NCOA2: variants seen among roughly 807,000 people sequenced by gnomAD.
NCOA2 encodes class E basic helix-loop-helix protein 75.
A neutral mutation model predicts 145.1 loss-of-function variants in NCOA2; 21 were observed. The observed-to-expected ratio is 0.14, with a 90% CI of 0.10 to 0.21. The LOEUF is 0.21. Among genes scored for constraint, NCOA2 ranks in the 10% least tolerant of loss-of-function variants. The pLI, the probability that NCOA2 is intolerant of heterozygous loss-of-function variation, is 1.00. For missense variants in NCOA2, 1,472 were observed against 1,837.6 expected, an observed-to-expected ratio of 0.80 and a Z score of 3.64; for synonymous variants, 619 against 637.5, an observed-to-expected ratio of 0.97 and a Z score of 0.44.
chr8:70,235,040 T>C (rs1401143214), intron 2 of NCOA2, among the ~76,000 whole-genome samples: 1 of 152,144 alleles, frequency 6.6e-6, no homozygotes, highest in Non-Finnish European at 1.5e-5. Flanking sequence ...AGCAGCATAA[T>C]AGGTGAATAG....
At chr8:70,306,105 CA>C (rs986943512) in intron 1 of NCOA2, among the ~76,000 whole-genome samples, 2 of 152,042 alleles carry the variant, frequency 1.3e-5, no homozygotes, top group African/African-American at 4.8e-5. Flanking sequence ...TAGGTTCTAA[CA>C]AAAACATTGA....
intron 1 of NCOA2, among the ~76,000 whole-genome samples, chr8:70,399,545 C>T (rs959902808): frequency 6.6e-6 from 1 of 152,170 alleles, no homozygotes; most frequent in Non-Finnish European, 1.5e-5. Flanking sequence ...TTTCTCCCTC[C>T]TATTCTCTTA....
chr8:70,221,243 T>TA (rs1178103473), intron 2 of NCOA2, among the ~76,000 whole-genome samples: 30 of 152,332 alleles, frequency 2.0e-4, no homozygotes, highest in African/African-American at 5.0e-4. Context: ...AAACCTCACT[T>TA]AAATACCCTT....
chr8:70,364,160 T>C (rs754072272), intron 1 of NCOA2, among the ~76,000 whole-genome samples: 1 of 151,490 alleles, frequency 6.6e-6, no homozygotes, highest in Non-Finnish European at 1.5e-5. Context: ...AGGAAGAATA[T>C]GGAGAGGAAG....
chr8:70,382,983 AAATG>A (rs1284303512), intron 1 of NCOA2, among the ~76,000 whole-genome samples: 1 of 152,250 alleles, frequency 6.6e-6, no homozygotes, highest in East Asian at 1.9e-4. Flanking sequence ...ACTTACTAAT[AAATG>A]TTCCTATTTC....
intron 1 of NCOA2, among the ~76,000 whole-genome samples, chr8:70,390,577 A>C (rs1813101979): frequency 6.6e-6 from 1 of 151,784 alleles, no homozygotes; most frequent in African/African-American, 2.4e-5. Flanking sequence ...CAGCCTGGGC[A>C]ACATAGCAAG....
chr8:70,141,096 TA>T, intron 14 of NCOA2, 87 bp downstream of exon 14: 1 of 1,306,318 alleles, frequency 7.7e-7, no homozygotes, highest in Non-Finnish European at 1.1e-6. Context: ...AAAATGCCCA[TA>T]AGAAGCATGT....
chr8:70,187,324 T>C (rs995599833), intron 4 of NCOA2, among the ~76,000 whole-genome samples: 34 of 152,236 alleles, frequency 2.2e-4, no homozygotes, highest in African/African-American at 8.2e-4. Context: ...CCTCTCCTTT[T>C]CTTATTTTAT....
At chr8:70,324,605 G>A (rs1315833862) in intron 1 of NCOA2, among the ~76,000 whole-genome samples, 1 of 151,408 alleles carries the variant, frequency 6.6e-6, no homozygotes, top group African/African-American at 2.4e-5. Context: ...CCTCCCAAAA[G>A]CTCACGAGCC....
In NCOA2 at chr8:70,143,577, A is replaced by G. The variant is rs79188285; in HGVS notation, c.2812+1065T>C. 2.0e-4 allele frequency among the ~76,000 whole-genome samples: 31 copies of G among 152,304 alleles called. No homozygotes were observed. The East Asian group carries it at 6.0e-3, about 29-fold the overall frequency. ...GACATATGTGGCAGGCACCCAATAA[A>G]TATTTGCTGAAGGAAAAAGTTACCT... On this transcript the variant is annotated intron_variant, in intron 13 of 22. Coordinates refer to ENST00000452400, the MANE Select transcript of NCOA2 (RefSeq NM_006540.4).
chr8:70,448,254 G>C, the NCOA2 span, among the ~76,000 whole-genome samples: 2 of 152,166 alleles, frequency 1.3e-5, no homozygotes, highest in Non-Finnish European at 2.9e-5. Flanking sequence ...TTGTAGGGCA[G>C]GTAGCTATGG....
At chr8:70,413,940 T>C in the NCOA2 span, among the ~76,000 whole-genome samples, 3 of 152,212 alleles carry the variant, frequency 2.0e-5, no homozygotes, top group East Asian at 5.8e-4. Flanking sequence ...CCCTTTTAGA[T>C]GATTAATGTC....
the NCOA2 span, among the ~76,000 whole-genome samples, chr8:70,423,917 C>T: frequency 2.0e-5 from 3 of 152,266 alleles, no homozygotes; most frequent in Admixed American, 1.3e-4. Flanking sequence ...GCTCCGATCT[C>T]GATCTCTTTT....
intron 22 of NCOA2, among the ~76,000 whole-genome samples, chr8:70,115,975 A>G (rs919727204): frequency 2.0e-5 from 3 of 149,504 alleles, no homozygotes; most frequent in Admixed American, 1.3e-4. Flanking sequence ...TCATGAGGTT[A>G]GGAGATCGAG....
At chr8:70,283,353 T>C (rs1563720911) in intron 2 of NCOA2, among the ~76,000 whole-genome samples, 3 of 152,214 alleles carry the variant, frequency 2.0e-5, no homozygotes, top group Admixed American at 6.5e-5. Context: ...GCATTTAAAA[T>C]GGTCATTGAT....
chr8:70,115,634 A>G (rs191289579), intron 22 of NCOA2, among the ~76,000 whole-genome samples: 2 of 152,348 alleles, frequency 1.3e-5, no homozygotes, highest in Non-Finnish European at 1.5e-5. Flanking sequence ...ATCAATTTTC[A>G]TAACACTAGT....
At chr8:70,377,683 T>C (rs954456116) in intron 1 of NCOA2, among the ~76,000 whole-genome samples, 4 of 152,132 alleles carry the variant, frequency 2.6e-5, no homozygotes, top group Non-Finnish European at 4.4e-5. Context: ...CCCATTTCCA[T>C]AGTACTGAAA....
At chr8:70,260,458 A>C (rs1824021977) in intron 2 of NCOA2, among the ~76,000 whole-genome samples, 1 of 152,190 alleles carries the variant, frequency 6.6e-6, no homozygotes, top group African/African-American at 2.4e-5. Context: ...TTAACATCTC[A>C]AATGTATTAT....
intron 2 of NCOA2, among the ~76,000 whole-genome samples, chr8:70,241,151 C>A (rs1453900084): frequency 6.6e-6 from 1 of 152,068 alleles, no homozygotes; most frequent in Non-Finnish European, 1.5e-5. Flanking sequence ...GGTTTTTATA[C>A]CTGAATGCTC....
Sources: gnomAD v4.1 joint callset for allele counts (sites outside exome capture counted in the v4.1 genomes callset) on GRCh38, gnomAD v4.1.1 for gene constraint, MANE v1.5 for transcripts, NCBI Gene and HGNC (gene_info 2026-07-23, HGNC 2026-07-21) for gene names.